The following ZBTB8A variants were observed in gnomAD, a reference collection of about 807,000 sequenced individuals.
ZBTB8A encodes zinc finger and BTB domain containing 8A, also known as zinc finger and BTB domain-containing protein 8A.
ZBTB8A carries 19 observed loss-of-function variants against 37.8 expected under a neutral mutation model. The ratio of observed to expected loss-of-function variants is 0.50; its 90% confidence interval spans 0.35 to 0.74. The LOEUF (loss-of-function observed/expected upper bound fraction) is 0.74. Ranked by LOEUF, ZBTB8A falls within the 30% of genes least tolerant of loss-of-function variation. The probability of loss-of-function intolerance (pLI) is 0.01; values close to 1 mark genes in which losing one functional copy is unlikely to be tolerated. For missense variants in ZBTB8A, 394 were observed against 537.8 expected (o/e 0.73, Z 2.65); for synonymous variants, 181 against 185.2 (o/e 0.98, Z 0.19).
intron 2 of ZBTB8A, among the ~76,000 whole-genome samples, chr1:32,559,789 G>C (rs1398542958): frequency 6.6e-6 from 1 of 152,046 alleles, no homozygotes; most frequent in Non-Finnish European, 1.5e-5. Context: ...TGAGAGGTGG[G>C]GCCATTAAGA....
chr1:32,595,938 G>A (rs1364960557), intron 4 of ZBTB8A, among the ~76,000 whole-genome samples: 27 of 152,054 alleles, frequency 1.8e-4, no homozygotes, highest in African/African-American at 4.8e-5. Flanking sequence ...GGTTACAGGC[G>A]TGAGCCACAG....
intron 2 of ZBTB8A, among the ~76,000 whole-genome samples, chr1:32,556,086 T>A (rs1201726396): frequency 6.6e-6 from 1 of 151,720 alleles, no homozygotes; most frequent in Non-Finnish European, 1.5e-5. Context: ...TTATTTATTT[T>A]TTTCTGAGAC....
intron 1 of ZBTB8A, among the ~76,000 whole-genome samples, chr1:32,547,962 A>G (rs1644119794): frequency 2.0e-5 from 3 of 150,904 alleles, no homozygotes; most frequent in African/African-American, 4.9e-5. Flanking sequence ...TGAAACCCCC[A>G]TCTCTACTAA....
At chr1:32,548,332 T>G (rs917563569) in intron 1 of ZBTB8A, among the ~76,000 whole-genome samples, 6 of 151,616 alleles carry the variant, frequency 4.0e-5, no homozygotes, top group Admixed American at 4.0e-4. Flanking sequence ...CATTTTTTGT[T>G]TTTGTTTTTG....
At position 32,596,044 on chromosome 1, in the gene ZBTB8A, G is replaced by A. The variant is rs533465718; in HGVS notation, c.993+821G>A. On this transcript the variant is annotated intron_variant, in intron 4 of 4. Transcript: ENST00000373510. Reference sequence around the variant, plus strand: ...TCCCAGCACTTCGGGAGGCCAAGGCGGGCAGATTGCTTGAGGCCAGTTCAG... The same window carrying A: ...TCCCAGCACTTCGGGAGGCCAAGGCAGGCAGATTGCTTGAGGCCAGTTCAG... Among the ~76,000 whole-genome samples, 16 of 152,104 alleles carry A rather than the reference G, an allele frequency of 1.1e-4. No homozygotes were observed. In the South Asian group the frequency reaches 1.4e-3, roughly 14 times the overall value.
chr1:32,550,110 C>T (rs1026009686), intron 1 of ZBTB8A, among the ~76,000 whole-genome samples: 4 of 152,154 alleles, frequency 2.6e-5, no homozygotes, highest in Non-Finnish European at 5.9e-5. Flanking sequence ...GTAATCTTAG[C>T]ACTTTGGGAG....
Position 32,601,519 on chromosome 1 carries a change from G to C in ZBTB8A, c.*1100G>C. The C allele has an allele frequency of 2.5e-6, 1 of 397,792 alleles. No homozygotes were observed. The allele number at this position is 397,792 out of a possible 1,614,324, so 24.6% of individuals were successfully genotyped here. On this transcript the variant is annotated 3_prime_UTR_variant, in exon 5 of 5. Coordinates refer to ENST00000373510, the MANE Select transcript of ZBTB8A (RefSeq NM_001040441.3). ...ACTAGGAGGTTCTTACCATATGTGA[G>C]TGATTTCTAACGTTTATGTAGTGCT...
intron 4 of ZBTB8A, among the ~76,000 whole-genome samples, chr1:32,596,546 A>C (rs1644533238): frequency 6.6e-6 from 1 of 152,080 alleles, no homozygotes; most frequent in Non-Finnish European, 1.5e-5. Context: ...GCGCCACTGC[A>C]CTCCAGCCTG....
intron 2 of ZBTB8A, among the ~76,000 whole-genome samples, chr1:32,571,535 C>G (rs1454701371): frequency 6.6e-6 from 1 of 151,880 alleles, no homozygotes; most frequent in Non-Finnish European, 1.5e-5. Flanking sequence ...CAGCGATAAA[C>G]CTCACTTGGT....
Position 32,600,338 on chromosome 1 carries a change from T to C in ZBTB8A, c.1245T>C (p.Asp415=), listed in dbSNP as rs61737099. 303 of 1,614,130 alleles carry C rather than the reference T, an allele frequency of 1.9e-4. 1 individual carries two copies. The African/African-American group carries it at 3.7e-3, about 20-fold the overall frequency. ...ENRSYVEIVE[D]GSADLVIQQV... ...GATCCTATGTGGAGATTGTAGAAGA[T>C]GGGTCTGCTGATCTGGTCATCCAAC... Residue 415 remains aspartate, a synonymous_variant, in exon 5 of 5, where the codon GAT becomes GAC. Coordinates refer to ENST00000373510, the MANE Select transcript of ZBTB8A (RefSeq NM_001040441.3).
chr1:32,594,823 A>G (rs185857986), intron 3 of ZBTB8A, among the ~76,000 whole-genome samples: 341 of 152,230 alleles, frequency 2.2e-3, no homozygotes, highest in Non-Finnish European at 2.8e-3. Context: ...AATATATCAA[A>G]TACCGAAGTT....
intron 2 of ZBTB8A, among the ~76,000 whole-genome samples, chr1:32,589,702 G>A (rs988846221): frequency 9.3e-5 from 14 of 151,344 alleles, no homozygotes; most frequent in Admixed American, 6.6e-4. Flanking sequence ...GGTAGGCACC[G>A]CCATGCCTGG....
In ZBTB8A at chr1:32,605,512, TG is replaced by T. The variant is rs146958660; in HGVS notation, c.*5097del. On this transcript the variant is annotated 3_prime_UTR_variant, in exon 5 of 5. Transcript: ENST00000373510. Reference sequence around the variant, plus strand: ...TTAGGTCAAGAGTTGGAGACCAGCCTGGGGCAATATAGTGAAACCCCTTCTC... The same window carrying T: ...TTAGGTCAAGAGTTGGAGACCAGCCTGGGCAATATAGTGAAACCCCTTCTC... 5,591 of 151,490 alleles carry T rather than the reference TG, an allele frequency of 0.037. 209 individuals are homozygous for T. The highest frequency in any genetic ancestry group is 0.11 in the Admixed American group (1,652 of 15,154). 9.4% of individuals were successfully genotyped at this position (151,490 alleles called of 1,614,324 possible).
chr1:32,550,212 TCCACA>T (rs1644141099), intron 1 of ZBTB8A, among the ~76,000 whole-genome samples: 1 of 152,058 alleles, frequency 6.6e-6, no homozygotes, highest in African/African-American at 2.4e-5. Flanking sequence ...TGAGTGTCCA[TCCACA>T]GATCAACTCT....
intron 2 of ZBTB8A, among the ~76,000 whole-genome samples, chr1:32,567,966 C>T (rs1025848149): frequency 1.3e-5 from 2 of 151,434 alleles, no homozygotes; most frequent in Non-Finnish European, 2.9e-5. Flanking sequence ...ATGGTGAAAC[C>T]CCGTCTCTAC....
At chr1:32,583,454 T>C (rs944605597) in intron 2 of ZBTB8A, among the ~76,000 whole-genome samples, 5 of 151,534 alleles carry the variant, frequency 3.3e-5, no homozygotes, top group Non-Finnish European at 5.9e-5. Context: ...GGCATTAATA[T>C]AGTCTCACTC....
intron 2 of ZBTB8A, among the ~76,000 whole-genome samples, chr1:32,579,718 T>A (rs1300031240): frequency 2.0e-5 from 3 of 152,134 alleles, no homozygotes; most frequent in African/African-American, 7.2e-5. Flanking sequence ...CCTCACTTGG[T>A]TCCATTCTCT....
chr1:32,540,655 C>G (rs1252554687), intron 1 of ZBTB8A, among the ~76,000 whole-genome samples: 3 of 152,142 alleles, frequency 2.0e-5, no homozygotes, highest in African/African-American at 7.2e-5. Context: ...CTTCCCTGCT[C>G]TAAAAACCTT....
Position 32,561,399 on chromosome 1 carries a change from C to T in ZBTB8A, c.-2+7859C>T, listed in dbSNP as rs562718771. Among the ~76,000 whole-genome samples the T allele has an allele frequency of 2.6e-5, 4 of 152,244 alleles. No individual in the cohort carries two copies. In the South Asian group the frequency reaches 6.2e-4, roughly 24 times the overall value. Reference sequence around the variant, plus strand: ...AACTCTGAAATCAACGTGTTGACAGCGCCATGCTGCCTCTGAAGGTTGTAG... The same window carrying T: ...AACTCTGAAATCAACGTGTTGACAGTGCCATGCTGCCTCTGAAGGTTGTAG... On this transcript the variant is annotated intron_variant, in intron 2 of 4. Transcript: ENST00000373510.
Sources: gnomAD v4.1 joint callset for allele counts (sites outside exome capture counted in the v4.1 genomes callset) on GRCh38, gnomAD v4.1.1 for gene constraint, MANE v1.5 for transcripts, NCBI Gene and HGNC (gene_info 2026-07-23, HGNC 2026-07-21) for gene names.